FOXP2: variants seen among roughly 807,000 people sequenced by gnomAD.
FOXP2 encodes forkhead box protein P2.
A neutral mutation model predicts 115.8 loss-of-function variants in FOXP2; 12 were observed. The ratio of observed to expected loss-of-function variants is 0.10; its 90% confidence interval spans 0.07 to 0.17. The LOEUF (loss-of-function observed/expected upper bound fraction) is 0.17. FOXP2 is among the 10% of genes least tolerant of loss of function. FOXP2 has a pLI of 1.00. For missense variants in FOXP2, 629 were observed against 843.5 expected, an observed-to-expected ratio of 0.75 and a Z score of 3.15; for synonymous variants, 328 against 297.7, an observed-to-expected ratio of 1.10 and a Z score of -1.05.
chr7:114,381,500 C>T (rs1369822677), intron 2 of FOXP2, among the ~76,000 whole-genome samples: 1 of 152,118 alleles, frequency 6.6e-6, no homozygotes, highest in Non-Finnish European at 1.5e-5. Context: ...TAAAACAGTC[C>T]AGGTGAGTTG....
chr7:114,590,782 A>G (rs1339815505), intron 3 of FOXP2, among the ~76,000 whole-genome samples: 2 of 152,068 alleles, frequency 1.3e-5, no homozygotes, highest in Non-Finnish European at 2.9e-5. Context: ...AAGGGTAGGT[A>G]TGTGTGTTCT....
chr7:114,476,766 C>T (rs948379952), intron 2 of FOXP2, among the ~76,000 whole-genome samples: 2 of 151,760 alleles, frequency 1.3e-5, no homozygotes, highest in Non-Finnish European at 2.9e-5. Context: ...GAATATTTTC[C>T]CATTTGTTTG....
chr7:114,106,966 T>G (rs1047652966), intron 1 of FOXP2, among the ~76,000 whole-genome samples: 8 of 152,090 alleles, frequency 5.3e-5, no homozygotes, highest in African/African-American at 9.7e-5. Flanking sequence ...ATAAGCAGTT[T>G]AATATACAAA....
In FOXP2 at chr7:114,510,888, A is replaced by C. The variant is rs539599417; in HGVS notation, c.169-23729A>C. ...CCCAAAGGATTATAAACATTCTACT[A>C]TAAAGACACATGCACACGTATGTTT... On this transcript the variant is annotated intron_variant, in intron 2 of 16. Coordinates refer to ENST00000350908, the MANE Select transcript of FOXP2 (RefSeq NM_014491.4). 1.9e-3 allele frequency among the ~76,000 whole-genome samples: 291 copies of C among 152,314 alleles called. 2 individuals carry two copies. The highest frequency in any genetic ancestry group is 3.4e-3 in the Middle Eastern group (1 of 294).
intron 1 of FOXP2, among the ~76,000 whole-genome samples, chr7:114,240,285 TTCTC>T (rs1795118316): frequency 6.6e-6 from 1 of 152,136 alleles, no homozygotes; most frequent in Non-Finnish European, 1.5e-5. Flanking sequence ...AAAAATAACT[TTCTC>T]TCCAAATTCA....
intron 7 of FOXP2, among the ~76,000 whole-genome samples, chr7:114,644,128 T>A (rs1264643708): frequency 6.6e-6 from 1 of 152,154 alleles, no homozygotes; most frequent in African/African-American, 2.4e-5. Context: ...ATCTCTCTAA[T>A]ATTCACTTAT....
At chr7:114,290,766 C>G (rs948709176) in intron 2 of FOXP2, among the ~76,000 whole-genome samples, 2 of 152,022 alleles carry the variant, frequency 1.3e-5, no homozygotes, top group African/African-American at 4.8e-5. Flanking sequence ...AGTTCCAATA[C>G]AAACCTACCT....
intron 2 of FOXP2, among the ~76,000 whole-genome samples, chr7:114,428,273 A>G (rs1412786012): frequency 6.6e-6 from 1 of 151,576 alleles, no homozygotes; most frequent in Non-Finnish European, 1.5e-5. Context: ...ATCTTTCTTT[A>G]TTTTCATAGC....
intron 2 of FOXP2, among the ~76,000 whole-genome samples, chr7:114,453,704 CT>C (rs995271574): frequency 2.8e-4 from 43 of 152,024 alleles, no homozygotes; most frequent in African/African-American, 1.0e-3. Context: ...TATTCTTGGT[CT>C]TTTTGTGGGA....
At chr7:114,570,934 C>T in intron 3 of FOXP2, 2 of 1,429,728 alleles carry the variant, frequency 1.4e-6, no homozygotes, top group Non-Finnish European at 2.0e-6. Flanking sequence ...AGGCCATGGA[C>T]CCAGTCCCAC....
At chr7:114,678,042 C>T (rs4236599) in intron 16 of FOXP2, among the ~76,000 whole-genome samples, 48,619 of 151,998 alleles carry the variant, frequency 0.32, 9,600 homozygotes, top group Non-Finnish European at 0.45. Context: ...GTGAAGTTAA[C>T]GACTGAAGCA....
At chr7:114,402,806 G>A (rs189246274) in intron 2 of FOXP2, among the ~76,000 whole-genome samples, 1 of 151,854 alleles carries the variant, frequency 6.6e-6, no homozygotes, top group Non-Finnish European at 1.5e-5. Flanking sequence ...ATTTTTGTTT[G>A]TTTGTTTGTT....
intron 2 of FOXP2, among the ~76,000 whole-genome samples, chr7:114,355,312 C>G (rs989102507): frequency 2.0e-5 from 3 of 152,150 alleles, no homozygotes; most frequent in Non-Finnish European, 2.9e-5. Context: ...AAACTTGGCT[C>G]TCACTTTGAT....
intron 1 of FOXP2, among the ~76,000 whole-genome samples, chr7:114,145,431 T>C (rs1033076091): frequency 1.6e-4 from 16 of 100,446 alleles, no homozygotes; most frequent in African/African-American, 5.3e-4. Context: ...GCTTTGCCAT[T>C]TTTTCTTTTC....
At chr7:114,441,202 C>G (rs1794587726) in intron 2 of FOXP2, among the ~76,000 whole-genome samples, 1 of 152,152 alleles carries the variant, frequency 6.6e-6, no homozygotes, top group South Asian at 2.1e-4. Flanking sequence ...AATCCCAGCA[C>G]TTTGGGAGGC....
At chr7:114,350,303 G>A (rs1468712344) in intron 2 of FOXP2, among the ~76,000 whole-genome samples, 1 of 151,890 alleles carries the variant, frequency 6.6e-6, no homozygotes, top group African/African-American at 2.4e-5. Context: ...CCCTCCCCCG[G>A]TCCCCCAACA....
At chr7:114,549,851 A>G (rs2129286108) in intron 3 of FOXP2, among the ~76,000 whole-genome samples, 1 of 152,332 alleles carries the variant, frequency 6.6e-6, no homozygotes, top group African/African-American at 2.4e-5. Flanking sequence ...GAAAACAAAT[A>G]AAATAGGCCA....
intron 16 of FOXP2, among the ~76,000 whole-genome samples, chr7:114,684,272 T>G (rs1212938615): frequency 6.6e-6 from 1 of 152,192 alleles, no homozygotes; most frequent in African/African-American, 2.4e-5. Flanking sequence ...ATGAACCAGA[T>G]GCATATGATA....
chr7:114,360,762 G>T (rs557772256), intron 2 of FOXP2, among the ~76,000 whole-genome samples: 2 of 152,262 alleles, frequency 1.3e-5, no homozygotes, highest in African/African-American at 4.8e-5. Context: ...CAGTCTATAA[G>T]ATAAGTTGTA....
Sources: gnomAD v4.1 joint callset for allele counts (sites outside exome capture counted in the v4.1 genomes callset) on GRCh38, gnomAD v4.1.1 for gene constraint, MANE v1.5 for transcripts, NCBI Gene and HGNC (gene_info 2026-07-23, HGNC 2026-07-21) for gene names.